The following EPHB1 variants were observed in gnomAD, a reference collection of about 807,000 sequenced individuals.
EPHB1 encodes ephrin type-B receptor 1.
A neutral mutation model predicts 94.4 loss-of-function variants in EPHB1; 30 were observed. That is an observed-to-expected ratio of 0.32 (90% CI 0.24 to 0.43). The LOEUF (loss-of-function observed/expected upper bound fraction) is 0.43, where lower values mean the gene tolerates loss of function less well. Among genes scored for constraint, EPHB1 ranks in the 20% least tolerant of loss-of-function variants. The probability of loss-of-function intolerance (pLI) is 1.00; values close to 1 mark genes in which losing one functional copy is unlikely to be tolerated. For synonymous variants in EPHB1, 522 were observed against 489.1 expected, an observed-to-expected ratio of 1.07 and a Z score of -0.89; for missense variants, 1,055 against 1,308.3, an observed-to-expected ratio of 0.81 and a Z score of 2.99.
At chr3:134,822,960 A>C (rs529670702) in intron 1 of EPHB1, among the ~76,000 whole-genome samples, 1 of 152,106 alleles carries the variant, frequency 6.6e-6, no homozygotes, top group Admixed American at 6.5e-5. Flanking sequence ...AGCGGAAGTG[A>C]TTTTCCTATC....
At chr3:134,853,348 A>AG (rs1400205090) in intron 1 of EPHB1, among the ~76,000 whole-genome samples, 1 of 152,174 alleles carries the variant, frequency 6.6e-6, no homozygotes, top group Non-Finnish European at 1.5e-5. Context: ...CAGGGCATGT[A>AG]GGGGGTGGTG....
intron 4 of EPHB1, among the ~76,000 whole-genome samples, chr3:135,110,839 C>G (rs1471802905): frequency 6.6e-6 from 1 of 152,102 alleles, no homozygotes; most frequent in Non-Finnish European, 1.5e-5. Flanking sequence ...TTGTTTCCCT[C>G]TTTTATCCCA....
At position 134,795,561 on chromosome 3, in the gene EPHB1, G is replaced by T. The variant is rs2035805661; in HGVS notation, c.-71G>T. ...AGCCACCCGCGGAGAGCGCAGCGGC[G>T]CCCTGGGACGCGGCGCTCTCCCGGC... On this transcript the variant is annotated 5_prime_UTR_variant, in exon 1 of 16. Coordinates refer to ENST00000398015, the MANE Select transcript of EPHB1 (RefSeq NM_004441.5). 2.7e-6 allele frequency: 4 copies of T among 1,466,324 alleles called. No homozygotes were observed. In the African/African-American group the frequency reaches 4.4e-5, roughly 16 times the overall value. The allele number at this position is 1,466,324 out of a possible 1,614,324, so 90.8% of individuals were successfully genotyped here.
intron 2 of EPHB1, among the ~76,000 whole-genome samples, chr3:134,945,922 A>G (rs1019835944): frequency 2.6e-5 from 4 of 152,242 alleles, no homozygotes; most frequent in African/African-American, 9.6e-5. Flanking sequence ...TGCATGCAAG[A>G]CTGGTAAAAT....
intron 4 of EPHB1, among the ~76,000 whole-genome samples, chr3:135,112,114 G>T (rs1939471974): frequency 2.0e-5 from 3 of 152,218 alleles, no homozygotes; most frequent in African/African-American, 4.8e-5. Flanking sequence ...CTCAGCGGGG[G>T]CTGAAGGAGA....
chr3:135,183,231 CCTCCCTCCCTCCCTTT>C (rs1559865574), intron 10 of EPHB1, among the ~76,000 whole-genome samples: 3 of 111,088 alleles, frequency 2.7e-5, no homozygotes, highest in African/African-American at 6.8e-5. Context: ...TCCCTCCCTT[CCTCCCTCCCTCCCTTT>C]CTTCCTTCCT....
At chr3:135,111,813 G>T (rs1438226457) in intron 4 of EPHB1, among the ~76,000 whole-genome samples, 3 of 152,134 alleles carry the variant, frequency 2.0e-5, no homozygotes, top group Non-Finnish European at 2.9e-5. Flanking sequence ...CCGAGTAGCT[G>T]GGATTACAGG....
At chr3:135,207,381 A>G (rs555524567) in intron 12 of EPHB1, among the ~76,000 whole-genome samples, 4 of 152,214 alleles carry the variant, frequency 2.6e-5, no homozygotes, top group African/African-American at 7.2e-5. Flanking sequence ...CTAAAAATAC[A>G]AACAATTTAT....
intron 4 of EPHB1, among the ~76,000 whole-genome samples, chr3:135,112,355 C>T (rs1260866264): frequency 6.6e-6 from 1 of 152,022 alleles, no homozygotes; most frequent in Non-Finnish European, 1.5e-5. Flanking sequence ...GGACTGCTTG[C>T]TTGTCTGCAT....
chr3:135,025,004 A>G (rs1936100913), intron 3 of EPHB1, among the ~76,000 whole-genome samples: 2 of 151,978 alleles, frequency 1.3e-5, no homozygotes, highest in South Asian at 4.1e-4. Context: ...TGTATAATAC[A>G]AAATGTATAT....
chr3:134,907,984 C>T (rs2038371802), intron 1 of EPHB1, among the ~76,000 whole-genome samples: 1 of 152,222 alleles, frequency 6.6e-6, no homozygotes, highest in Admixed American at 6.5e-5. Flanking sequence ...AATTTCCAAG[C>T]TTCCTCCTTT....
intron 3 of EPHB1, among the ~76,000 whole-genome samples, chr3:135,092,571 G>A (rs1477049700): frequency 6.6e-6 from 1 of 152,048 alleles, no homozygotes; most frequent in East Asian, 1.9e-4. Context: ...TTCTCAAGGA[G>A]GGCACAGCCC....
chr3:134,944,587 A>G (rs1335743182), intron 2 of EPHB1, among the ~76,000 whole-genome samples: 1 of 152,198 alleles, frequency 6.6e-6, no homozygotes, highest in Non-Finnish European at 1.5e-5. Flanking sequence ...AATCTCAATT[A>G]ATGGTTTCTC....
At chr3:134,925,953 G>C in intron 2 of EPHB1, 73 bp downstream of exon 2, 1 of 1,342,976 alleles carries the variant, frequency 7.4e-7, no homozygotes, top group South Asian at 1.3e-5. Flanking sequence ...GGGGAGTAGA[G>C]ACTACCCAGA....
chr3:135,171,482 A>C (rs969710526), intron 9 of EPHB1, among the ~76,000 whole-genome samples: 2 of 152,194 alleles, frequency 1.3e-5, no homozygotes, highest in Non-Finnish European at 2.9e-5. Flanking sequence ...TGTAGGTAAC[A>C]TTTGGAGAGC....
At chr3:135,053,005 G>GTGTGTATA (rs1553726812) in intron 3 of EPHB1, among the ~76,000 whole-genome samples, 2 of 84,998 alleles carry the variant, frequency 2.4e-5, no homozygotes, top group African/African-American at 1.1e-4. Context: ...ATATGTGTGT[G>GTGTGTATA]TATATATATG....
chr3:134,979,466 T>C (rs1934323582), intron 3 of EPHB1, among the ~76,000 whole-genome samples: 1 of 152,184 alleles, frequency 6.6e-6, no homozygotes, highest in Admixed American at 6.5e-5. Context: ...GGTCTTCACT[T>C]CAAGAAGACA....
intron 3 of EPHB1, among the ~76,000 whole-genome samples, chr3:135,097,710 A>G (rs760849484): frequency 3.3e-5 from 5 of 152,214 alleles, no homozygotes; most frequent in Non-Finnish European, 7.3e-5. Context: ...ATACAAGTGT[A>G]TGACACAGCT....
chr3:135,171,467 G>A (rs1404669075), intron 9 of EPHB1, among the ~76,000 whole-genome samples: 1 of 152,066 alleles, frequency 6.6e-6, no homozygotes, highest in African/African-American at 2.4e-5. Context: ...GAAGCTTATC[G>A]AGTGTGTAGG....
Sources: gnomAD v4.1 joint callset for allele counts (sites outside exome capture counted in the v4.1 genomes callset) on GRCh38, gnomAD v4.1.1 for gene constraint, MANE v1.5 for transcripts, NCBI Gene and HGNC (gene_info 2026-07-23, HGNC 2026-07-21) for gene names.